ZDHHC16: variants seen among roughly 807,000 people sequenced by gnomAD.
ZDHHC16 encodes zDHHC palmitoyltransferase 16.
In ZDHHC16, 33 loss-of-function variants were observed where a neutral mutation model predicts 54.4. That is an observed-to-expected ratio of 0.61 (90% CI 0.46 to 0.81). The LOEUF (loss-of-function observed/expected upper bound fraction) is 0.81, where lower values mean the gene tolerates loss of function less well. Among genes scored for constraint, ZDHHC16 ranks in the 30% least tolerant of loss-of-function variants. The pLI is 0.00. For missense variants in ZDHHC16, 420 were observed against 485.9 expected (o/e 0.86, Z 1.28); for synonymous variants, 185 against 182.1 (o/e 1.02, Z -0.13).
In ZDHHC16 at chr10:97,454,754, A is replaced by G. The variant is rs1333571649; in HGVS notation, c.779A>G (p.Glu260Gly). The change falls in exon 9 of 12, where the codon GAA becomes GGA. Residue 260 changes from glutamate (E) to glycine (G), a missense_variant. By Grantham distance (98) the Glu-to-Gly change is moderately conservative. Coordinates refer to ENST00000393760, the MANE Select transcript of ZDHHC16 (RefSeq NM_198046.3). ...CCACCACCCACCTTCTCCTTTCGAG[A>G]AAGGATGACTCACAAGAGTCTTGTC... is the stretch of plus-strand genomic sequence containing the variant. ...QTPPPTFSFR[E>G]RMTHKSLVYL... 29 of 1,614,162 alleles carry G rather than the reference A, an allele frequency of 1.8e-5. No homozygotes were observed. The highest frequency in any genetic ancestry group is 2.5e-5 in the Non-Finnish European group (29 of 1,180,022).
chr10:97,452,862 C>T, intron 5 of ZDHHC16, 33 bp from the exon 6 acceptor site: 1 of 1,614,170 alleles, frequency 6.2e-7, no homozygotes, highest in Non-Finnish European at 8.5e-7. Context: ...GAACTTTGGC[C>T]ACCGTAACAG....
rs1247269401 is a variant in ZDHHC16 at position 97,453,806 on chromosome 10, AAC to A, written c.700_701del (p.Gln234AlafsTer62). 1 of 1,614,106 alleles carries A rather than the reference AAC, an allele frequency of 6.2e-7. No individual in the cohort carries two copies. The highest frequency in any genetic ancestry group is 8.5e-7 in the Non-Finnish European group (1 of 1,180,042). The stretch of plus-strand genomic sequence containing the variant: ...TGTTTTCCGTCCCCTTAGAAAATGA[AAC>A]AGCTCGACAAGAACAAACTACAGGC... On this transcript the variant is annotated frameshift_variant, in exon 8 of 12. Coordinates refer to ENST00000393760, the MANE Select transcript of ZDHHC16 (RefSeq NM_198046.3). LOFTEE classifies it high-confidence loss of function.
intron 2 of ZDHHC16, 52 bp from the exon 3 acceptor site, chr10:97,451,619 G>T: frequency 6.4e-7 from 1 of 1,564,400 alleles, no homozygotes; most frequent in South Asian, 1.2e-5. Flanking sequence ...CCCACTAGCG[G>T]GGTAGGGAGG....
chr10:97,456,394 ATAGAGGCCCTAAGACAGTAACTGGAGC>A (rs1440457608), intron 11 of ZDHHC16: 1 of 322,580 alleles, frequency 3.1e-6, no homozygotes, highest in Non-Finnish European at 5.7e-6. Flanking sequence ...TCTACTTGTC[ATAGAGGCCCTAAGACAGTAACTGGAGC>A]TAGCTCTCTC....
chr10:97,452,139 C>T lies in ZDHHC16; in HGVS notation c.293C>T (p.Ala98Val), dbSNP rs1187149356. ...CTGACAGGCTCCATTGTAGCTATCGCCTACCTGTGTGTCCTGCCTCTCATC... is the reference window on the plus strand; with the variant it reads ...CTGACAGGCTCCATTGTAGCTATCGTCTACCTGTGTGTCCTGCCTCTCATC... ...IVLTGSIVAIAYLCVLPLILR... is the reference protein window; with the variant it reads ...IVLTGSIVAIVYLCVLPLILR... The change falls in exon 4 of 12, where the codon GCC becomes GTC. Residue 98 changes from alanine to valine, a missense_variant. Transcript: ENST00000393760. 1 of 1,614,076 alleles carries T rather than the reference C, an allele frequency of 6.2e-7. No homozygotes were observed. Among genetic ancestry groups the T allele is most frequent in the Non-Finnish European group, 8.5e-7 (1 of 1,180,026 alleles).
intron 1 of ZDHHC16, among the ~76,000 whole-genome samples, chr10:97,449,861 C>CTTTTTTTTTTTTTTTTTTTTTTTT (rs35173837): frequency 1.2e-5 from 1 of 81,516 alleles, no homozygotes; most frequent in African/African-American, 5.9e-5. Context: ...CCCCTTAATT[C>CTTTTTTTTTTTTTTTTTTTTTTTT]TTTTTTTTTT....
chr10:97,450,505 A>T lies in ZDHHC16; in HGVS notation c.-37A>T, dbSNP rs1846514447. The T allele has an allele frequency of 6.6e-6, 1 of 152,230 alleles. No homozygotes were observed. The highest frequency in any genetic ancestry group is 1.9e-4 in the East Asian group (1 of 5,190). The allele number at this position is 152,230 out of a possible 1,614,324, so 9.4% of individuals were successfully genotyped here. A position where few individuals can be genotyped will look rare whatever the true frequency, so the allele number is the denominator to read the frequency against. On this transcript the variant is annotated 5_prime_UTR_variant, in exon 2 of 12. The change creates a new upstream start codon in the 5' untranslated region. Coordinates refer to ENST00000393760, the MANE Select transcript of ZDHHC16 (RefSeq NM_198046.3). ...AAGTCAGTGGGATTGTCAAGGACAA[A>T]GCCCTCCCTGGCTGCCTCAGGGCAA...
chr10:97,453,566 G>C lies in ZDHHC16; in HGVS notation c.593G>C (p.Arg198Pro). The change falls in exon 7 of 12, where the codon CGG becomes CCG. Residue 198 changes from arginine (R) to proline (P), a missense_variant. Physicochemically the swap from Arg to Pro is moderately radical, Grantham distance 103. Transcript: ENST00000393760. ...LNNCVGHYNH[R>P]YFFSFCFFMT... ...AATTGTGTGGGCCACTATAACCATC[G>C]GTACTTCTTCTCTTTCTGCTTTTTC... is the stretch of plus-strand genomic sequence containing the variant. 1 of 1,614,080 alleles carries C rather than the reference G, an allele frequency of 6.2e-7. No homozygotes were observed. Among genetic ancestry groups the C allele is most frequent in the Non-Finnish European group, 8.5e-7 (1 of 1,180,016 alleles).
chr10:97,452,611 TC>T, intron 5 of ZDHHC16, 108 bp downstream of exon 5: 1 of 1,224,612 alleles, frequency 8.2e-7, no homozygotes, highest in Non-Finnish European at 1.1e-6. Flanking sequence ...ACCCATCGTG[TC>T]CCAGGTGATG....
At chr10:97,453,727 A>G in intron 7 of ZDHHC16, 64 bp downstream of exon 7, 1 of 1,614,128 alleles carries the variant, frequency 6.2e-7, no homozygotes, top group Non-Finnish European at 8.5e-7. Flanking sequence ...ACCTGTCCCT[A>G]AGGAATGGGG....
At chr10:97,452,613 C>T in intron 5 of ZDHHC16, 110 bp downstream of exon 5, 1 of 1,203,398 alleles carries the variant, frequency 8.3e-7, no homozygotes, top group Non-Finnish European at 1.2e-6. Context: ...CCATCGTGTC[C>T]CAGGTGATGT....
chr10:97,446,921 G>A (rs1362416485), intron 1 of ZDHHC16, among the ~76,000 whole-genome samples: 1 of 152,178 alleles, frequency 6.6e-6, no homozygotes, highest in Admixed American at 6.5e-5. Flanking sequence ...GTTTCACCAT[G>A]TTAGCCAGGA....
At chr10:97,451,615 A>G (rs1846616797) in intron 2 of ZDHHC16, 56 bp from the exon 3 acceptor site, 1 of 1,557,496 alleles carries the variant, frequency 6.4e-7, no homozygotes, top group Non-Finnish European at 8.7e-7. Flanking sequence ...CCTTCCCACT[A>G]GCGGGGTAGG....
At chr10:97,453,000 T>C (rs1181932902) in intron 6 of ZDHHC16, 77 bp downstream of exon 6, 1 of 1,585,956 alleles carries the variant, frequency 6.3e-7, no homozygotes, top group Non-Finnish European at 8.7e-7. Flanking sequence ...GCCACCATTT[T>C]AGCATCACCG....
At chr10:97,454,600 C>T (rs1399277111) in intron 8 of ZDHHC16, 114 bp from the exon 9 acceptor site, 1 of 993,170 alleles carries the variant, frequency 1.0e-6, no homozygotes, top group Non-Finnish European at 1.6e-6. Flanking sequence ...TCCTCTGTGG[C>T]TTTACCCTGT....
chr10:97,449,851 C>T (rs1224078901), intron 1 of ZDHHC16, among the ~76,000 whole-genome samples: 1 of 141,704 alleles, frequency 7.1e-6, no homozygotes, highest in African/African-American at 2.8e-5. Context: ...TTTCTACACT[C>T]CCCTTAATTC....
At chr10:97,455,348 G>A (rs530464824) in intron 9 of ZDHHC16, among the ~76,000 whole-genome samples, 17 of 152,236 alleles carry the variant, frequency 1.1e-4, no homozygotes, top group African/African-American at 3.1e-4. Context: ...CAACAGAGAT[G>A]GAGTCTTGCT....
chr10:97,456,993 C>T lies in ZDHHC16; in HGVS notation c.*102C>T, dbSNP rs1037188123. On this transcript the variant is annotated 3_prime_UTR_variant, in exon 12 of 12. Transcript: ENST00000393760. Reference sequence around the variant, plus strand: ...TCTCAGAATCCTTGATCAAAAAGAGCCAGTGGGCCTGCCTTAGGGTACCAT... The same window carrying T: ...TCTCAGAATCCTTGATCAAAAAGAGTCAGTGGGCCTGCCTTAGGGTACCAT... 15 of 899,150 alleles carry T rather than the reference C, an allele frequency of 1.7e-5. No individual in the cohort carries two copies. The African/African-American group carries it at 2.0e-4, about 12-fold the overall frequency. The allele number at this position is 899,150 out of a possible 1,614,324, so 55.7% of individuals were successfully genotyped here.
chr10:97,453,399 T>C (rs1339411254), intron 6 of ZDHHC16, 131 bp from the exon 7 acceptor site: 1 of 1,314,448 alleles, frequency 7.6e-7, no homozygotes, highest in African/African-American at 1.5e-5. Flanking sequence ...TTCTTGCCTT[T>C]GGAAAGTAGT....
Sources: gnomAD v4.1 joint callset for allele counts (sites outside exome capture counted in the v4.1 genomes callset) on GRCh38, gnomAD v4.1.1 for gene constraint, MANE v1.5 for transcripts, NCBI Gene and HGNC (gene_info 2026-07-23, HGNC 2026-07-21) for gene names.